The following BEND5 variants were observed in gnomAD, a reference collection of about 807,000 sequenced individuals.
The protein encoded by BEND5 is BEN domain-containing protein 5.
BEND5 carries 22 observed loss-of-function variants against 43.9 expected under a neutral mutation model. The ratio of observed to expected loss-of-function variants is 0.50; its 90% CI spans 0.36 to 0.72. BEND5 has a LOEUF of 0.72. Ranked by LOEUF, BEND5 falls within the 30% of genes least tolerant of loss-of-function variation. The probability of loss-of-function intolerance (pLI) is 0.00; values close to 1 mark genes in which losing one functional copy is unlikely to be tolerated. For synonymous variants in BEND5, 228 were observed against 225.9 expected, an observed-to-expected ratio of 1.01 and a Z score of -0.08; for missense variants, 428 against 550.6, an observed-to-expected ratio of 0.78 and a Z score of 2.23.
intron 2 of BEND5, chr1:48,761,132 C>G: frequency 1.8e-6 from 1 of 550,026 alleles, no homozygotes; most frequent in Non-Finnish European, 3.2e-6. Flanking sequence ...CTTGGTGGCA[C>G]AGCATGAATC....
chr1:48,756,724 T>C (rs1178693106), intron 3 of BEND5, among the ~76,000 whole-genome samples: 1 of 152,228 alleles, frequency 6.6e-6, no homozygotes, highest in Non-Finnish European at 1.5e-5. Flanking sequence ...ATCCTCCTAT[T>C]AACATGTGTT....
intron 3 of BEND5, among the ~76,000 whole-genome samples, chr1:48,751,053 T>G (rs565709893): frequency 6.6e-6 from 1 of 152,272 alleles, no homozygotes; most frequent in Non-Finnish European, 1.5e-5. Flanking sequence ...ATCCTATATA[T>G]TCTGATTCCA....
At chr1:48,764,186 C>A (rs1256510518) in intron 1 of BEND5, among the ~76,000 whole-genome samples, 2 of 152,196 alleles carry the variant, frequency 1.3e-5, no homozygotes, top group East Asian at 3.8e-4. Context: ...GAGATCACTT[C>A]CGTCAGTGTA....
At position 48,736,361 on chromosome 1, in the gene BEND5, G is replaced by T; in HGVS notation, c.986C>A (p.Ala329Glu). 1 of 1,614,040 alleles carries T rather than the reference G, an allele frequency of 6.2e-7. No homozygotes were observed. The highest frequency in any genetic ancestry group is 8.5e-7 in the Non-Finnish European group (1 of 1,179,990). ...QGDSKYTKNL[A>E]VMIWGTDVLK... ...AACATCTGTTCCCCAAATCATAACT[G>T]CCAAGTTCTTCGTGTACTTGGAATC... Residue 329 changes from alanine to glutamate, a missense_variant, in exon 5 of 6, where the codon GCA (alanine) becomes GAA (glutamate). Ala to Glu is a moderately radical substitution (Grantham distance 107). This residue lies in a region of BEND5 where 75 missense variants were observed against 148.5 expected (regional missense o/e 0.50). Transcript: ENST00000371833. The surrounding 1 kb of genome is among the most constrained non-coding windows in gnomAD (Gnocchi z 4.0).
At chr1:48,774,709 G>A (rs569210853) in intron 1 of BEND5, among the ~76,000 whole-genome samples, 1 of 152,298 alleles carries the variant, frequency 6.6e-6, no homozygotes, top group South Asian at 2.1e-4. Flanking sequence ...TGCTTCTGAG[G>A]ACTTGTGTCG....
At chr1:48,742,487 C>A in intron 4 of BEND5, 136 bp downstream of exon 4, 1 of 879,650 alleles carries the variant, frequency 1.1e-6, no homozygotes. Flanking sequence ...TATACAAATT[C>A]CAGAAACAGT....
chr1:48,759,350 T>C lies in BEND5; in HGVS notation c.361-66A>G, dbSNP rs1644132111. ...GGGATTTTCTTGGACTGCAGATCAATATTTCCCCAGACAATCCTAAAATCA... is the reference window on the plus strand; with the variant it reads ...GGGATTTTCTTGGACTGCAGATCAACATTTCCCCAGACAATCCTAAAATCA... On this transcript the variant is annotated intron_variant, in intron 2 of 5. Transcript: ENST00000371833. 2.6e-6 allele frequency: 4 copies of C among 1,509,916 alleles called. No homozygotes were observed. In the South Asian group the frequency reaches 3.9e-5, roughly 15 times the overall value. The allele number at this position is 1,509,916 out of a possible 1,614,324, so 93.5% of individuals were successfully genotyped here. A position where few individuals can be genotyped will look rare whatever the true frequency, so the allele number is the denominator to read the frequency against.
At chr1:48,774,892 CTCTTTAACACA>C (rs1160642977) in intron 1 of BEND5, among the ~76,000 whole-genome samples, 1 of 152,220 alleles carries the variant, frequency 6.6e-6, no homozygotes, top group African/African-American at 2.4e-5. Flanking sequence ...ATCACTGACT[CTCTTTAACACA>C]TCACTTCTAC....
At chr1:48,767,506 A>G (rs551410632) in intron 1 of BEND5, among the ~76,000 whole-genome samples, 1 of 152,340 alleles carries the variant, frequency 6.6e-6, no homozygotes, top group Admixed American at 6.5e-5. Flanking sequence ...GAGGAGACAG[A>G]ACACAGGGTG....
At chr1:48,754,055 C>T (rs1280673835) in intron 3 of BEND5, among the ~76,000 whole-genome samples, 1 of 152,154 alleles carries the variant, frequency 6.6e-6, no homozygotes, top group Non-Finnish European at 1.5e-5. Context: ...CCTCACAGAG[C>T]CCTTGAGAGT....
intron 2 of BEND5, among the ~76,000 whole-genome samples, chr1:48,760,492 T>C (rs1644198777): frequency 6.6e-6 from 1 of 152,214 alleles, no homozygotes; most frequent in Non-Finnish European, 1.5e-5. Flanking sequence ...AAGGTGCTAC[T>C]AGTGTAGATG....
At chr1:48,772,408 T>C (rs1316336349) in intron 1 of BEND5, among the ~76,000 whole-genome samples, 1 of 152,126 alleles carries the variant, frequency 6.6e-6, no homozygotes, top group Non-Finnish European at 1.5e-5. Context: ...TCCCCACCTG[T>C]AGGTGAGCTC....
At chr1:48,734,389 G>A (rs1648673873) in intron 5 of BEND5, among the ~76,000 whole-genome samples, 1 of 152,120 alleles carries the variant, frequency 6.6e-6, no homozygotes, top group Non-Finnish European at 1.5e-5. Flanking sequence ...CCACTGCTGT[G>A]CCCTTAGTCT....
chr1:48,775,222 G>A (rs775049109), intron 1 of BEND5, among the ~76,000 whole-genome samples: 4 of 152,156 alleles, frequency 2.6e-5, no homozygotes, highest in Non-Finnish European at 4.4e-5. Flanking sequence ...TTATCAGGGA[G>A]GTGGTATGGA....
At chr1:48,735,190 T>C (rs1236585823) in intron 5 of BEND5, among the ~76,000 whole-genome samples, 1 of 152,168 alleles carries the variant, frequency 6.6e-6, no homozygotes, top group Non-Finnish European at 1.5e-5. Context: ...CTAAAATAAT[T>C]AGCAACTACT....
At chr1:48,728,075 T>G in intron 5 of BEND5, 32 bp from the exon 6 acceptor site, 4 of 1,542,336 alleles carry the variant, frequency 2.6e-6, no homozygotes, top group Non-Finnish European at 3.5e-6. Flanking sequence ...GGCCAAGGAT[T>G]AATGGTGAAT....
chr1:48,746,959 G>A (rs1273957845), intron 3 of BEND5, among the ~76,000 whole-genome samples: 2 of 152,256 alleles, frequency 1.3e-5, no homozygotes, highest in Non-Finnish European at 2.9e-5. Flanking sequence ...AGGGAGAGCA[G>A]GGAGGGCCCC....
At chr1:48,738,238 A>G (rs1386040784) in intron 4 of BEND5, among the ~76,000 whole-genome samples, 1 of 152,230 alleles carries the variant, frequency 6.6e-6, no homozygotes. Flanking sequence ...ATGTAAGTCA[A>G]CAATCTACCT....
Position 48,758,936 on chromosome 1 carries a change from T to C in BEND5, c.709A>G (p.Arg237Gly). The change falls in exon 3 of 6, where the codon AGG (arginine) becomes GGG (glycine). Residue 237 changes from arginine (R) to glycine (G), a missense_variant. By Grantham distance (125) the Arg-to-Gly change is moderately radical (BLOSUM62 -2). Around this residue, in one of 4 missense-constraint regions of BEND5, gnomAD observed 243 missense variants for 286.4 expected, o/e 0.85. Transcript: ENST00000371833. ...CGCAGGAGCAGCACGTCCTGGAGCCTCCGGTTAAGGTCACGGAGCTCCTTC... is the reference window on the plus strand; with the variant it reads ...CGCAGGAGCAGCACGTCCTGGAGCCCCCGGTTAAGGTCACGGAGCTCCTTC... ...EMKELRDLNRRLQDVLLLRLG... is the reference protein window; with the variant it reads ...EMKELRDLNRGLQDVLLLRLG... 1 of 1,574,688 alleles carries C rather than the reference T, an allele frequency of 6.4e-7. No homozygotes were observed. The highest frequency in any genetic ancestry group is 8.6e-7 in the Non-Finnish European group (1 of 1,162,310).
Sources: allele counts gnomAD v4.1 joint callset (sites outside exome capture counted in the v4.1 genomes callset), GRCh38; gene constraint gnomAD v4.1.1; regional missense constraint gnomAD v4.1.1; non-coding constraint Gnocchi (gnomAD v3.1); transcripts MANE v1.5; gene names NCBI Gene and HGNC (gene_info 2026-07-23, HGNC 2026-07-21).